Variants in MTHFD2L observed in about 807,000 individuals in gnomAD.
MTHFD2L encodes bifunctional methylenetetrahydrofolate dehydrogenase/cyclohydrolase 2, mitochondrial.
In MTHFD2L, 29 loss-of-function variants were observed where a neutral mutation model predicts 34.9. The observed-to-expected ratio is 0.83, with a 90% CI of 0.62 to 1.13. MTHFD2L has a LOEUF of 1.13. Ranked by LOEUF, MTHFD2L falls within the 50% of genes most tolerant of loss-of-function variation. The pLI is 0.00. For synonymous variants in MTHFD2L, 167 were observed against 155.7 expected (o/e 1.07, Z -0.54); for missense variants, 481 against 446.5 (o/e 1.08, Z -0.70).
At chr4:74,247,693 A>T (rs1337425179) in intron 6 of MTHFD2L, among the ~76,000 whole-genome samples, 3 of 152,030 alleles carry the variant, frequency 2.0e-5, no homozygotes, top group African/African-American at 4.8e-5. Context: ...GCATGAAGGG[A>T]TGTTGAATTT....
At chr4:74,203,600 T>G (rs1241489013) in intron 5 of MTHFD2L, among the ~76,000 whole-genome samples, 1 of 152,132 alleles carries the variant, frequency 6.6e-6, no homozygotes, top group Non-Finnish European at 1.5e-5. Context: ...GCATTTCTCA[T>G]GGCTGGAGCA....
At position 74,158,149 on chromosome 4, in the gene MTHFD2L, C is replaced by T. The variant is rs1007261045; in HGVS notation, c.11C>T (p.Pro4Leu). 11 of 1,530,256 alleles carry T rather than the reference C, an allele frequency of 7.2e-6. No individual in the cohort carries two copies. The highest frequency in any genetic ancestry group is 4.9e-5 in the East Asian group (2 of 40,714). 94.8% of individuals were successfully genotyped at this position (1,530,256 alleles called of 1,614,324 possible). Residue 4 changes from proline to leucine, a missense_variant, in exon 1 of 8, where the codon CCG (proline) becomes CTG (leucine). Coordinates refer to ENST00000325278, the MANE Select transcript of MTHFD2L (RefSeq NM_001144978.3). ...CGGGGATCCGCGGCCATGACGGTGCCGGTCCGCGGCTTCTCGCTGCTCCGC... is the reference window on the plus strand; with the variant it reads ...CGGGGATCCGCGGCCATGACGGTGCTGGTCCGCGGCTTCTCGCTGCTCCGC... MTVPVRGFSLLRGR... is the reference protein window; with the variant it reads MTVLVRGFSLLRGR...
intron 6 of MTHFD2L, among the ~76,000 whole-genome samples, chr4:74,239,758 A>G (rs1741430486): frequency 6.6e-6 from 1 of 152,186 alleles, no homozygotes; most frequent in African/African-American, 2.4e-5. Context: ...GATAATAATC[A>G]ATATAAGAAT....
chr4:74,178,221 C>T (rs1729421442), intron 3 of MTHFD2L, among the ~76,000 whole-genome samples: 2 of 151,928 alleles, frequency 1.3e-5, no homozygotes, highest in African/African-American at 4.8e-5. Flanking sequence ...TTGCAAATTG[C>T]TGAGAAAGTA....
intron 6 of MTHFD2L, among the ~76,000 whole-genome samples, chr4:74,250,581 C>G (rs761397557): frequency 5.3e-5 from 8 of 152,290 alleles, no homozygotes; most frequent in Non-Finnish European, 1.0e-4. Flanking sequence ...ATTTTTCTAT[C>G]TGGATATTGT....
At chr4:74,293,480 T>C in intron 7 of MTHFD2L, 4 of 975,356 alleles carry the variant, frequency 4.1e-6, no homozygotes, top group Non-Finnish European at 4.9e-6. Flanking sequence ...ATTTCATTAC[T>C]GACCACAGGA....
At chr4:74,243,959 T>A (rs531873352) in intron 6 of MTHFD2L, among the ~76,000 whole-genome samples, 1 of 152,318 alleles carries the variant, frequency 6.6e-6, no homozygotes, top group East Asian at 1.9e-4. Flanking sequence ...TGTTGGTAGG[T>A]GTGACGGAAC....
chr4:74,148,305 C>G (rs1393542854), intron 1 of MTHFD2L, among the ~76,000 whole-genome samples: 2 of 79,132 alleles, frequency 2.5e-5, no homozygotes, highest in African/African-American at 9.6e-5. Flanking sequence ...ATGGTTTTGG[C>G]TATTTGTGGT....
chr4:74,160,035 G>A (rs1368358705), intron 1 of MTHFD2L: 5 of 1,280,634 alleles, frequency 3.9e-6, no homozygotes, highest in Non-Finnish European at 5.1e-6. Flanking sequence ...ATGCTTATTG[G>A]TGTCTCTTTT....
intron 7 of MTHFD2L, among the ~76,000 whole-genome samples, chr4:74,281,987 T>C (rs1747548317): frequency 6.6e-6 from 1 of 152,098 alleles, no homozygotes; most frequent in African/African-American, 2.4e-5. Context: ...CCTAACTACA[T>C]TTCAGATCTA....
At chr4:74,259,562 C>CATAGTTTG (rs1366206694) in intron 6 of MTHFD2L, among the ~76,000 whole-genome samples, 2 of 152,136 alleles carry the variant, frequency 1.3e-5, no homozygotes, top group Non-Finnish European at 2.9e-5. Flanking sequence ...AGGTAGTCTG[C>CATAGTTTG]AAAAACAGAG....
At chr4:74,229,968 AGG>A (rs1397977309) in intron 6 of MTHFD2L, among the ~76,000 whole-genome samples, 1 of 152,192 alleles carries the variant, frequency 6.6e-6, no homozygotes, top group East Asian at 1.9e-4. Context: ...TAAGCTTGCT[AGG>A]TAAGTGCTTA....
intron 1 of MTHFD2L, among the ~76,000 whole-genome samples, chr4:74,166,757 C>T (rs969239017): frequency 6.6e-6 from 1 of 152,222 alleles, no homozygotes. Context: ...TGAGCCTCTG[C>T]AGACTTAGGC....
intron 6 of MTHFD2L, among the ~76,000 whole-genome samples, chr4:74,270,320 C>G (rs1442566928): frequency 6.6e-6 from 1 of 152,036 alleles, no homozygotes; most frequent in Non-Finnish European, 1.5e-5. Context: ...TCCCTCCCCC[C>G]TTCCCTCACC....
chr4:74,201,873 G>A (rs553258018), intron 5 of MTHFD2L, among the ~76,000 whole-genome samples: 1 of 152,316 alleles, frequency 6.6e-6, no homozygotes, highest in South Asian at 2.1e-4. Flanking sequence ...CCAGGAAGAT[G>A]TGTTAGCCTT....
At chr4:74,273,039 C>A (rs988267018) in intron 6 of MTHFD2L, among the ~76,000 whole-genome samples, 14 of 152,124 alleles carry the variant, frequency 9.2e-5, no homozygotes, top group African/African-American at 3.4e-4. Context: ...CTTTGTATTA[C>A]GCCTTTTTAT....
At chr4:74,267,639 T>A (rs1311142805) in intron 6 of MTHFD2L, 1 of 748,248 alleles carries the variant, frequency 1.3e-6, no homozygotes, top group East Asian at 1.3e-4. Context: ...TTCCCTATGT[T>A]GCCCAGGCTG....
At position 74,281,446 on chromosome 4, in the gene MTHFD2L, CT is replaced by C; in HGVS notation, c.828del (p.Asp277IlefsTer9). ...VAAGIPKLIT[S>X]DMVKEGAAVI... is the part of the protein sequence containing the mutation. ...TCAGGTATTCCAAAGTTGATTACGT[CT>C]GATATGGTTAAAGAAGGTGCTGCTG... On this transcript the variant is annotated frameshift_variant, in exon 7 of 8. Coordinates refer to ENST00000325278, the MANE Select transcript of MTHFD2L (RefSeq NM_001144978.3). LOFTEE classifies it high-confidence loss of function. 6.2e-7 allele frequency: 1 copy of C among 1,612,318 alleles called. No homozygotes were observed. Among genetic ancestry groups the C allele is most frequent in the Non-Finnish European group, 8.5e-7 (1 of 1,179,060 alleles).
intron 7 of MTHFD2L, among the ~76,000 whole-genome samples, chr4:74,301,038 A>G (rs1750247351): frequency 6.6e-6 from 1 of 152,074 alleles, no homozygotes; most frequent in South Asian, 2.1e-4. Flanking sequence ...GCTGGGAGAA[A>G]GGTCACAATT....
Sources: allele counts gnomAD v4.1 joint callset (sites outside exome capture counted in the v4.1 genomes callset), GRCh38; gene constraint gnomAD v4.1.1; transcripts MANE v1.5; gene names NCBI Gene and HGNC (gene_info 2026-07-23, HGNC 2026-07-21).